The following ZNF365 variants were observed in gnomAD, a reference collection of about 807,000 sequenced individuals.
The protein encoded by ZNF365 is zinc finger protein 365, also known as protein ZNF365.
Under a neutral mutation model 35.0 loss-of-function variants are expected in ZNF365, and 22 were observed. The ratio of observed to expected loss-of-function variants is 0.63; its 90% CI spans 0.45 to 0.90. The LOEUF is 0.90. Among genes scored for constraint, ZNF365 ranks in the 40% least tolerant of loss-of-function variants. ZNF365 has a pLI of 0.00. For missense variants in ZNF365, 448 were observed against 500.3 expected (o/e 0.90, Z 1.00); for synonymous variants, 188 against 196.2 (o/e 0.96, Z 0.35).
intron 3 of ZNF365, among the ~76,000 whole-genome samples, chr10:62,457,189 A>G (rs1840775056): frequency 6.6e-6 from 1 of 152,198 alleles, no homozygotes; most frequent in South Asian, 2.1e-4. Flanking sequence ...AAACATGTGT[A>G]CCCTATGCTG....
intron 4 of ZNF365, among the ~76,000 whole-genome samples, chr10:62,463,639 T>G (rs1190674952): frequency 6.6e-6 from 1 of 152,246 alleles, no homozygotes; most frequent in East Asian, 1.9e-4. Flanking sequence ...ACACAGTAAC[T>G]AGAAACTTTA....
chr10:62,377,991 T>G (rs1394701773), intron 2 of ZNF365, among the ~76,000 whole-genome samples: 1 of 152,240 alleles, frequency 6.6e-6, no homozygotes, highest in African/African-American at 2.4e-5. Context: ...AAGAGATCAT[T>G]ACTTGCTATC....
chr10:62,374,933 G>C (rs1180249663), intron 1 of ZNF365, among the ~76,000 whole-genome samples: 1 of 152,138 alleles, frequency 6.6e-6, no homozygotes, highest in Non-Finnish European at 1.5e-5. Flanking sequence ...CAGAAAACCA[G>C]TGGTTAAACA....
intron 3 of ZNF365, among the ~76,000 whole-genome samples, chr10:62,427,568 G>A (rs1406930026): frequency 1.3e-5 from 2 of 152,186 alleles, no homozygotes; most frequent in Admixed American, 6.5e-5. Context: ...AAGCAATACA[G>A]TAGTTCTGTG....
At chr10:62,447,897 A>G (rs1217820517) in intron 3 of ZNF365, among the ~76,000 whole-genome samples, 3 of 152,182 alleles carry the variant, frequency 2.0e-5, no homozygotes, top group Non-Finnish European at 4.4e-5. Context: ...AAGGGACCCA[A>G]GCTACTTAAA....
intron 3 of ZNF365, among the ~76,000 whole-genome samples, chr10:62,410,918 C>T (rs1367811389): frequency 2.0e-5 from 3 of 152,176 alleles, no homozygotes; most frequent in African/African-American, 4.8e-5. Flanking sequence ...TCCATTTTCT[C>T]TACAACCTTG....
At chr10:62,404,354 A>C (rs1193048855), downstream of ZNF365, among the ~76,000 whole-genome samples, 10 of 152,226 alleles carry the variant, frequency 6.6e-5, no homozygotes, top group African/African-American at 2.4e-4. Flanking sequence ...GCTGCAAAAG[A>C]TATTACTGAG....
chr10:62,477,139 G>A (rs1012349938), intron 4 of ZNF365, among the ~76,000 whole-genome samples: 1 of 152,148 alleles, frequency 6.6e-6, no homozygotes, highest in East Asian at 1.9e-4. Context: ...GGAAGAGAAA[G>A]GACTGAATAT....
intron 3 of ZNF365, among the ~76,000 whole-genome samples, chr10:62,423,580 T>TTCTAAATGA (rs1840207303): frequency 2.0e-5 from 3 of 152,196 alleles, no homozygotes; most frequent in Non-Finnish European, 1.5e-5. Flanking sequence ...CATGTGCTCA[T>TTCTAAATGA]CTTGGCTATT....
intron 3 of ZNF365, among the ~76,000 whole-genome samples, chr10:62,389,263 A>G (rs1427203092): frequency 1.1e-5 from 1 of 94,708 alleles, no homozygotes; most frequent in Non-Finnish European, 1.9e-5. Context: ...AAATAACCAT[A>G]CTCTAGGTCG....
chr10:62,472,302 A>G (rs1841055097), intron 4 of ZNF365, among the ~76,000 whole-genome samples: 1 of 152,206 alleles, frequency 6.6e-6, no homozygotes, highest in African/African-American at 2.4e-5. Flanking sequence ...AAATCTCCAG[A>G]AAGCGTTCCA....
At chr10:62,460,608 G>C (rs920090026) in intron 4 of ZNF365, among the ~76,000 whole-genome samples, 2 of 152,136 alleles carry the variant, frequency 1.3e-5, no homozygotes, top group Non-Finnish European at 2.9e-5. Flanking sequence ...CAGATAAGTG[G>C]GGACTACTGT....
In ZNF365 at chr10:62,384,580, G is replaced by A. The variant is rs12415872; in HGVS notation, c.744-3816G>A. Among the ~76,000 whole-genome samples, 821 of 152,330 alleles carry A rather than the reference G, an allele frequency of 5.4e-3. 31 individuals carry two copies. Among genetic ancestry groups the A allele is most frequent in the Admixed American group, 0.047 (718 of 15,300 alleles). ...CTGGACTTTGGTAGTTCCACATTCAGTCTGTTGCAAATTTGTTGTTTTGGT... is the reference window on the plus strand; with the variant it reads ...CTGGACTTTGGTAGTTCCACATTCAATCTGTTGCAAATTTGTTGTTTTGGT... On this transcript the variant is annotated intron_variant, in intron 2 of 4. Transcript: ENST00000395254.
intron 4 of ZNF365, among the ~76,000 whole-genome samples, chr10:62,464,057 C>T (rs1292605276): frequency 6.6e-6 from 1 of 152,176 alleles, no homozygotes; most frequent in East Asian, 1.9e-4. Flanking sequence ...TATTGAGCCT[C>T]ACAACCCAGT....
chr10:62,382,117 T>C (rs150356378), intron 2 of ZNF365, among the ~76,000 whole-genome samples: 2 of 152,230 alleles, frequency 1.3e-5, no homozygotes, highest in African/African-American at 4.8e-5. Flanking sequence ...TTTAGGTTTT[T>C]TTCCAGAGCT....
At chr10:62,405,297 T>C (rs1839888721), downstream of ZNF365, among the ~76,000 whole-genome samples, 1 of 152,186 alleles carries the variant, frequency 6.6e-6, no homozygotes, top group Non-Finnish European at 1.5e-5. Context: ...CCAGGTAGTT[T>C]TGATTATTCT....
At chr10:62,396,900 C>T (rs1373271958) in intron 3 of ZNF365, among the ~76,000 whole-genome samples, 1 of 151,940 alleles carries the variant, frequency 6.6e-6, no homozygotes, top group Non-Finnish European at 1.5e-5. Flanking sequence ...ATTAAAAAAA[C>T]AATAAGGAGA....
intron 3 of ZNF365, among the ~76,000 whole-genome samples, chr10:62,416,318 G>A (rs1010326830): frequency 2.6e-5 from 4 of 151,768 alleles, no homozygotes; most frequent in Admixed American, 2.6e-4. Context: ...GAAATAACTT[G>A]GTAAAAGAGT....
chr10:62,384,782 A>T (rs906694489), intron 2 of ZNF365, among the ~76,000 whole-genome samples: 2 of 152,226 alleles, frequency 1.3e-5, no homozygotes, highest in African/African-American at 2.4e-5. Context: ...ATCAGTGAAC[A>T]TTTTGTACTT....
Sources: gnomAD v4.1 joint callset for allele counts (sites outside exome capture counted in the v4.1 genomes callset) on GRCh38, gnomAD v4.1.1 for gene constraint, MANE v1.5 for transcripts, NCBI Gene and HGNC (gene_info 2026-07-23, HGNC 2026-07-21) for gene names.